Variants in FAM117A observed in about 807,000 individuals in gnomAD.
FAM117A encodes protein FAM117A.
Under a neutral mutation model 44.1 loss-of-function variants are expected in FAM117A, and 21 were observed. That is an observed-to-expected ratio of 0.48 (90% CI 0.34 to 0.69). FAM117A has a LOEUF of 0.69. Ranked by LOEUF, FAM117A falls within the 30% of genes least tolerant of loss-of-function variation. FAM117A has a pLI of 0.01. For synonymous variants in FAM117A, 220 were observed against 238.3 expected (o/e 0.92, Z 0.71); for missense variants, 498 against 589.9 (o/e 0.84, Z 1.61).
chr17:49,778,324 T>C (rs1464854943), intron 1 of FAM117A, among the ~76,000 whole-genome samples: 1 of 152,242 alleles, frequency 6.6e-6, no homozygotes, highest in Non-Finnish European at 1.5e-5. Flanking sequence ...GCTGGAGATA[T>C]GCAGATAAAT....
Position 49,764,025 on chromosome 17 carries a change from G to A in FAM117A, c.63C>T (p.Ala21=), listed in dbSNP as rs1023021103. 9 of 490,064 alleles carry A rather than the reference G, an allele frequency of 1.8e-5. No individual in the cohort carries two copies. The highest frequency in any genetic ancestry group is 2.2e-5 in the Non-Finnish European group (8 of 367,436). 30.4% of individuals were successfully genotyped at this position (490,064 alleles called of 1,614,324 possible). A position where few individuals can be genotyped will look rare whatever the true frequency, so the allele number is the denominator to read the frequency against. ...GGAWGPGRGG[A]GGLRRGCSPP... ...GAGAGCAGCCCCGCCGGAGCCCCCC[G>A]GCCCCTCCGCGCCCCGGCCCCCAGG... The change falls in exon 1 of 8, where the codon GCC becomes GCT. Residue 21 remains alanine (A), a synonymous_variant. Transcript: ENST00000240364.
At chr17:49,777,018 T>C (rs2143802297) in intron 1 of FAM117A, among the ~76,000 whole-genome samples, 1 of 152,338 alleles carries the variant, frequency 6.6e-6, no homozygotes, top group African/African-American at 2.4e-5. Context: ...GGAATTCTTG[T>C]GGGACTGTGC....
intron 1 of FAM117A, among the ~76,000 whole-genome samples, chr17:49,735,014 G>C (rs1038982495): frequency 1.4e-4 from 22 of 152,102 alleles, no homozygotes; most frequent in Admixed American, 1.4e-3. Flanking sequence ...GGAGGAGGAG[G>C]GGGAGTAGGA....
At chr17:49,760,691 C>T (rs577703423) in intron 1 of FAM117A, among the ~76,000 whole-genome samples, 1 of 152,282 alleles carries the variant, frequency 6.6e-6, no homozygotes, top group East Asian at 1.9e-4. Flanking sequence ...ATTTTAGGGA[C>T]ATACAGACAG....
In FAM117A at chr17:49,722,562, C is replaced by T; in HGVS notation, c.399G>A (p.Glu133=). Residue 133 remains glutamate, a synonymous_variant, in exon 3 of 8, where the codon GAG becomes GAA. Coordinates refer to ENST00000240364, the MANE Select transcript of FAM117A (RefSeq NM_030802.4). The part of the protein sequence containing the change: ...TPLSWQELEG[E]RASSCAHKRS... ...GCTTGTGTGCACAGGAACTGGCACG[C>T]TCACCTTCTAGCTCTTGCCAGGACA... 6.2e-7 allele frequency: 1 copy of T among 1,613,980 alleles called. No homozygotes were observed. Among genetic ancestry groups the T allele is most frequent in the Non-Finnish European group, 8.5e-7 (1 of 1,179,960 alleles).
chr17:49,716,441 C>G, intron 6 of FAM117A, 126 bp from the exon 7 acceptor site: 1 of 781,770 alleles, frequency 1.3e-6, no homozygotes, highest in East Asian at 3.0e-5. Flanking sequence ...AGCGGGTGTG[C>G]TTATCCAGTG....
intron 5 of FAM117A, among the ~76,000 whole-genome samples, chr17:49,718,737 C>T (rs2073517650): frequency 6.6e-6 from 1 of 151,538 alleles, no homozygotes; most frequent in South Asian, 2.1e-4. Flanking sequence ...AATCCCAGCA[C>T]TTTGGGAGGC....
chr17:49,757,196 C>T (rs1023311878), intron 1 of FAM117A, among the ~76,000 whole-genome samples: 2 of 151,910 alleles, frequency 1.3e-5, no homozygotes, highest in East Asian at 1.9e-4. Flanking sequence ...TGTCCTCCAC[C>T]CCCCCAGCAA....
chr17:49,783,322 G>A lies in FAM117A; in HGVS notation c.-621+5175C>T, dbSNP rs193265747. Among the ~76,000 whole-genome samples the A allele has an allele frequency of 5.4e-4, 83 of 152,328 alleles. No individual in the cohort carries two copies. In the East Asian group the frequency reaches 0.015, roughly 28 times the overall value. On this transcript the variant is annotated intron_variant, in intron 1 of 7. Coordinates refer to the FAM117A transcript ENST00000513602. ...GACTTCCCTAGGGAGCTTGGATCAG[G>A]GAAGGGAGGTAGATAAGTGGAGGAA... is the stretch of plus-strand genomic sequence containing the variant.
intron 1 of FAM117A, among the ~76,000 whole-genome samples, chr17:49,772,400 G>A (rs966035319): frequency 7.9e-5 from 12 of 152,000 alleles, no homozygotes; most frequent in Non-Finnish European, 1.5e-4. Context: ...AAGGTCAGGA[G>A]TTCAAGACCA....
upstream of FAM117A, among the ~76,000 whole-genome samples, chr17:49,768,689 G>A (rs1460784611): frequency 6.6e-6 from 1 of 152,150 alleles, no homozygotes; most frequent in Non-Finnish European, 1.5e-5. Flanking sequence ...GGGAAGGAGG[G>A]TTGAGGGAAT....
Position 49,711,054 on chromosome 17 carries a change from G to C in FAM117A, c.*201C>G, listed in dbSNP as rs1405471653. 1.9e-6 allele frequency: 1 copy of C among 532,130 alleles called. No individual in the cohort carries two copies. The highest frequency in any genetic ancestry group is 3.3e-6 in the Non-Finnish European group (1 of 305,382). The allele number at this position is 532,130 out of a possible 1,614,324, so 33.0% of individuals were successfully genotyped here. ...TGAATTGTGAGCTGCCCAGCTACTA[G>C]TGGAGAAGGCAGGTCCCATCACGTT... On this transcript the variant is annotated 3_prime_UTR_variant, in exon 8 of 8. Coordinates refer to ENST00000240364, the MANE Select transcript of FAM117A (RefSeq NM_030802.4).
At chr17:49,721,389 G>C (rs932609017) in intron 3 of FAM117A, among the ~76,000 whole-genome samples, 2 of 152,174 alleles carry the variant, frequency 1.3e-5, no homozygotes, top group African/African-American at 2.4e-5. Flanking sequence ...TTTATGACTA[G>C]AGCCAAGAAG....
At chr17:49,757,200 C>G (rs981703018) in intron 1 of FAM117A, among the ~76,000 whole-genome samples, 7 of 152,010 alleles carry the variant, frequency 4.6e-5, no homozygotes, top group African/African-American at 1.7e-4. Context: ...CTCCACCCCC[C>G]CAGCAACTCT....
intron 6 of FAM117A, 131 bp from the exon 7 acceptor site, chr17:49,716,446 C>T: frequency 1.4e-6 from 1 of 729,268 alleles, no homozygotes; most frequent in Non-Finnish European, 2.1e-6. Context: ...GTGTGCTTAT[C>T]CAGTGTGATT....
chr17:49,773,213 A>C (rs1202836120), intron 1 of FAM117A: 2 of 152,428 alleles, frequency 1.3e-5, no homozygotes, highest in African/African-American at 2.4e-5. Context: ...GCTGAGGCAG[A>C]GAATTGCTTG....
chr17:49,772,649 G>C (rs1176605716), intron 1 of FAM117A, among the ~76,000 whole-genome samples: 16 of 152,078 alleles, frequency 1.1e-4, no homozygotes, highest in Admixed American at 1.0e-3. Context: ...CTAGTTGGGA[G>C]GCTGAGGCAG....
intron 1 of FAM117A, among the ~76,000 whole-genome samples, chr17:49,760,306 AG>A (rs2073717717): frequency 6.6e-6 from 1 of 152,232 alleles, no homozygotes; most frequent in South Asian, 2.1e-4. Context: ...ATCTTTATAT[AG>A]GAAAAACAGG....
intron 1 of FAM117A, among the ~76,000 whole-genome samples, chr17:49,748,875 A>G (rs2143765652): frequency 6.6e-6 from 1 of 152,274 alleles, no homozygotes; most frequent in South Asian, 2.1e-4. Flanking sequence ...GGTGCATAAC[A>G]TGTGGTTTGG....
Sources: gnomAD v4.1 joint callset for allele counts (sites outside exome capture counted in the v4.1 genomes callset) on GRCh38, gnomAD v4.1.1 for gene constraint, MANE v1.5 for transcripts, NCBI Gene and HGNC (gene_info 2026-07-23, HGNC 2026-07-21) for gene names.